HS6ST3: variants seen among roughly 807,000 people sequenced by gnomAD.
HS6ST3 encodes heparan-sulfate 6-O-sulfotransferase 3.
HS6ST3 carries 12 observed loss-of-function variants against 36.7 expected under a neutral mutation model. That is an observed-to-expected ratio of 0.33 (90% CI 0.21 to 0.53). The LOEUF is 0.53. HS6ST3 is among the 20% of genes least tolerant of loss of function. HS6ST3 has a pLI of 0.95. For missense variants in HS6ST3, 584 were observed against 640.9 expected (o/e 0.91, Z 0.96); for synonymous variants, 240 against 257.5 (o/e 0.93, Z 0.65).
At chr13:96,265,099 GA>G (rs1276064943) in intron 1 of HS6ST3, among the ~76,000 whole-genome samples, 1 of 151,576 alleles carries the variant, frequency 6.6e-6, no homozygotes, top group East Asian at 1.9e-4. Context: ...ACCCTGCAAA[GA>G]AAAAAGGAAT....
chr13:96,576,180 G>A (rs912589457), intron 1 of HS6ST3, among the ~76,000 whole-genome samples: 1 of 152,132 alleles, frequency 6.6e-6, no homozygotes, highest in Non-Finnish European at 1.5e-5. Flanking sequence ...GGGTGTGTTG[G>A]TTTGCTTGGC....
At chr13:96,475,622 A>G (rs1439065316) in intron 1 of HS6ST3, among the ~76,000 whole-genome samples, 1 of 151,756 alleles carries the variant, frequency 6.6e-6, no homozygotes, top group Non-Finnish European at 1.5e-5. Flanking sequence ...CAAAAAAAAA[A>G]AAAAAAAAGA....
At chr13:96,562,605 C>CTTGA (rs1297006410) in intron 1 of HS6ST3, among the ~76,000 whole-genome samples, 3 of 152,100 alleles carry the variant, frequency 2.0e-5, no homozygotes, top group Admixed American at 2.0e-4. Context: ...TCACATTGCT[C>CTTGA]TTGACCATTC....
At chr13:96,132,121 TACACACACACACACACACAC>T (rs60692669) in intron 1 of HS6ST3, among the ~76,000 whole-genome samples, 22 of 134,596 alleles carry the variant, frequency 1.6e-4, no homozygotes, top group Admixed American at 8.3e-4. Context: ...AGTATTCCAG[TACACACACACACACACACAC>T]ACACACACAC....
chr13:96,743,786 T>C (rs113023577), intron 1 of HS6ST3, among the ~76,000 whole-genome samples: 341 of 152,204 alleles, frequency 2.2e-3, no homozygotes, highest in Non-Finnish European at 3.1e-3. Context: ...GATTTATCAA[T>C]CTGGTGCTTG....
intron 1 of HS6ST3, among the ~76,000 whole-genome samples, chr13:96,532,888 G>A (rs2056141213): frequency 6.6e-6 from 1 of 152,132 alleles, no homozygotes; most frequent in Non-Finnish European, 1.5e-5. Context: ...AACAAAAAGA[G>A]GGTGGGAGGG....
chr13:96,792,821 C>T (rs1661180012), intron 1 of HS6ST3, among the ~76,000 whole-genome samples: 1 of 152,038 alleles, frequency 6.6e-6, no homozygotes, highest in Admixed American at 6.6e-5. Flanking sequence ...TCTGCATTAT[C>T]ATGCCTCTTG....
At chr13:96,631,325 A>G (rs1410719551) in intron 1 of HS6ST3, among the ~76,000 whole-genome samples, 1 of 152,208 alleles carries the variant, frequency 6.6e-6, no homozygotes, top group Non-Finnish European at 1.5e-5. Flanking sequence ...GTTTCTAAAA[A>G]TAAATATTTA....
chr13:96,448,313 G>A (rs1566364172), intron 1 of HS6ST3, among the ~76,000 whole-genome samples: 1 of 152,088 alleles, frequency 6.6e-6, no homozygotes, highest in African/African-American at 2.4e-5. Flanking sequence ...ATCAACCATT[G>A]TCATCATCCT....
intron 1 of HS6ST3, among the ~76,000 whole-genome samples, chr13:96,339,466 G>A (rs1033775878): frequency 3.3e-5 from 5 of 152,152 alleles, no homozygotes; most frequent in Non-Finnish European, 7.3e-5. Flanking sequence ...AGCCTGAGGG[G>A]AGAAGGTGCT....
intron 1 of HS6ST3, among the ~76,000 whole-genome samples, chr13:96,675,746 G>A (rs576497938): frequency 6.6e-6 from 1 of 152,202 alleles, no homozygotes; most frequent in Non-Finnish European, 1.5e-5. Flanking sequence ...AATGAGGATT[G>A]GAGTTGGATT....
At chr13:96,698,877 G>A (rs1205005239) in intron 1 of HS6ST3, among the ~76,000 whole-genome samples, 3 of 152,154 alleles carry the variant, frequency 2.0e-5, no homozygotes, top group Non-Finnish European at 4.4e-5. Flanking sequence ...AACCAAAACA[G>A]CATGGTACTG....
chr13:96,313,353 T>G (rs895746064), intron 1 of HS6ST3, among the ~76,000 whole-genome samples: 2 of 151,704 alleles, frequency 1.3e-5, no homozygotes, highest in African/African-American at 2.4e-5. Context: ...GAAGTAAAAA[T>G]TCTTCTCCAT....
chr13:96,430,196 A>G (rs972415948), intron 1 of HS6ST3, among the ~76,000 whole-genome samples: 82 of 152,314 alleles, frequency 5.4e-4, no homozygotes, highest in African/African-American at 1.9e-3. Flanking sequence ...TTTTCTATCT[A>G]TGAAATTAAA....
intron 1 of HS6ST3, among the ~76,000 whole-genome samples, chr13:96,285,483 G>C (rs935049114): frequency 6.6e-6 from 1 of 152,138 alleles, no homozygotes; most frequent in Non-Finnish European, 1.5e-5. Context: ...ATTTAATAAA[G>C]CTGTACAGAA....
At position 96,560,449 on chromosome 13, in the gene HS6ST3, C is replaced by T. The variant is rs146199789; in HGVS notation, c.708-272041C>T. 3.5e-3 allele frequency among the ~76,000 whole-genome samples: 536 copies of T among 152,150 alleles called. 1 individual carries two copies. The highest frequency in any genetic ancestry group is 0.012 in the African/African-American group (515 of 41,474). ...ACAGGGAAAAACTGGAAGCATTCCC[C>T]TTGAGAACTGGAACATTACAAGGAT... On this transcript the variant is annotated intron_variant, in intron 1 of 1. Transcript: ENST00000376705.
At chr13:96,444,242 G>A (rs561269645) in intron 1 of HS6ST3, among the ~76,000 whole-genome samples, 1 of 152,146 alleles carries the variant, frequency 6.6e-6, no homozygotes, top group Admixed American at 6.5e-5. Context: ...GGCACATGGG[G>A]CTGTGTTATA....
At chr13:96,230,300 TAGAA>T (rs1461971786) in intron 1 of HS6ST3, among the ~76,000 whole-genome samples, 5 of 152,202 alleles carry the variant, frequency 3.3e-5, no homozygotes, top group African/African-American at 1.2e-4. Flanking sequence ...GATGAAAAGT[TAGAA>T]AGGCATTGAG....
chr13:96,356,696 A>T (rs1424888922), intron 1 of HS6ST3, among the ~76,000 whole-genome samples: 1 of 152,200 alleles, frequency 6.6e-6, no homozygotes, highest in Non-Finnish European at 1.5e-5. Context: ...GAGTAGATTT[A>T]GCATAATTCT....
Sources: gnomAD v4.1 joint callset for allele counts (sites outside exome capture counted in the v4.1 genomes callset) on GRCh38, gnomAD v4.1.1 for gene constraint, MANE v1.5 for transcripts, NCBI Gene and HGNC (gene_info 2026-07-23, HGNC 2026-07-21) for gene names.